Variants in PCDHGB3 observed in about 807,000 individuals in gnomAD.
PCDHGB3 encodes the protein protocadherin gamma subfamily B, 3.
In PCDHGB3, 40 loss-of-function variants were observed where a neutral mutation model predicts 59.2. That is an observed-to-expected ratio of 0.68 (90% CI 0.52 to 0.88). PCDHGB3 has a LOEUF of 0.88. Among genes scored for constraint, PCDHGB3 ranks in the 40% least tolerant of loss-of-function variants. The probability of loss-of-function intolerance (pLI) is 0.00; values close to 1 mark genes in which losing one functional copy is unlikely to be tolerated. For missense variants in PCDHGB3, 1,309 were observed against 1,187.9 expected, an observed-to-expected ratio of 1.10 and a Z score of -1.50; for synonymous variants, 581 against 503.6, an observed-to-expected ratio of 1.15 and a Z score of -2.06.
chr5:141,461,334 G>T (rs558562450), intron 1 of PCDHGB3, among the ~76,000 whole-genome samples: 75 of 152,166 alleles, frequency 4.9e-4, no homozygotes, highest in African/African-American at 1.7e-3. Flanking sequence ...GGCCATTCTT[G>T]CAGGACCAAG....
chr5:141,410,329 G>A, intron 1 of PCDHGB3: 4 of 1,613,982 alleles, frequency 2.5e-6, no homozygotes, highest in Non-Finnish European at 3.4e-6. Flanking sequence ...CCGTGATTCT[G>A]GCCATTGCCT....
intron 1 of PCDHGB3, chr5:141,427,734 C>A (rs2097062807): frequency 1.7e-6 from 2 of 1,207,418 alleles, no homozygotes; most frequent in Non-Finnish European, 2.4e-6. Flanking sequence ...GCTGAATGGC[C>A]AAGTCTCCTA....
At chr5:141,393,349 C>G in intron 1 of PCDHGB3, 1 of 1,613,964 alleles carries the variant, frequency 6.2e-7, no homozygotes, top group Non-Finnish European at 8.5e-7. Context: ...CACCACTTCT[C>G]CCTGGACGTG....
At chr5:141,466,077 A>G (rs1220036084) in intron 1 of PCDHGB3, among the ~76,000 whole-genome samples, 2 of 152,108 alleles carry the variant, frequency 1.3e-5, no homozygotes, top group Non-Finnish European at 2.9e-5. Context: ...AGCTGATATC[A>G]TGCCACTGCA....
At chr5:141,409,870 T>A (rs980871481) in intron 1 of PCDHGB3, 2 of 1,612,670 alleles carry the variant, frequency 1.2e-6, no homozygotes, top group Admixed American at 1.7e-5. Context: ...GAGACCGCAA[T>A]GACAACGCAC....
rs1435565099 is a variant in PCDHGB3 at position 141,372,123 on chromosome 5, A to G, written c.1729A>G (p.Met577Val). Residue 577 changes from methionine (M) to valine (V), a missense_variant, in exon 1 of 4, where the codon ATG (methionine) becomes GTG (valine). Coordinates refer to ENST00000576222, the MANE Select transcript of PCDHGB3 (RefSeq NM_018924.5). ...LGPEGSALFD[M>V]VPRSAEPGYL... is the part of the protein sequence containing the mutation. ...GCCCGAAGGCTCTGCGCTCTTCGATATGGTGCCGCGCTCTGCAGAGCCTGG... is the reference window on the plus strand; with the variant it reads ...GCCCGAAGGCTCTGCGCTCTTCGATGTGGTGCCGCGCTCTGCAGAGCCTGG... 3 of 1,613,632 alleles carry G rather than the reference A, an allele frequency of 1.9e-6. No homozygotes were observed. The highest frequency in any genetic ancestry group is 2.5e-6 in the Non-Finnish European group (3 of 1,179,864).
rs2099425622 is a variant in PCDHGB3, at chr5:141,477,947, T to C, written c.2416-16860T>C. Reference sequence around the variant, plus strand: ...CAATGCCTGGCTCTCCTACAGTCTCTTGGGATCCCCTAACCAGAGCCTTTT... The same window carrying C: ...CAATGCCTGGCTCTCCTACAGTCTCCTGGGATCCCCTAACCAGAGCCTTTT... On this transcript the variant is annotated intron_variant, in intron 1 of 3. Coordinates refer to ENST00000576222, the MANE Select transcript of PCDHGB3 (RefSeq NM_018924.5). The surrounding 1 kb of genome is among the most constrained non-coding windows in gnomAD (Gnocchi z 4.9). 1.9e-6 allele frequency: 3 copies of C among 1,614,132 alleles called. No homozygotes were observed. Among genetic ancestry groups the C allele is most frequent in the Non-Finnish European group, 2.5e-6 (3 of 1,180,018 alleles).
intron 1 of PCDHGB3, among the ~76,000 whole-genome samples, chr5:141,458,102 A>G (rs1314999618): frequency 6.6e-6 from 1 of 152,246 alleles, no homozygotes; most frequent in Admixed American, 6.5e-5. Context: ...GTACTTACAG[A>G]TAGTCTCCAA....
intron 1 of PCDHGB3, chr5:141,390,099 C>G: frequency 6.2e-7 from 1 of 1,614,052 alleles, no homozygotes; most frequent in Non-Finnish European, 8.5e-7. Context: ...CGTGGTTCCC[C>G]CCAACTACAG....
chr5:141,371,887 C>T lies in PCDHGB3; in HGVS notation c.1493C>T (p.Pro498Leu), dbSNP rs372336757. The change falls in exon 1 of 4, where the codon CCG becomes CTG. Residue 498 changes from proline to leucine, a missense_variant. Transcript: ENST00000576222. ...TACATCGTGGCCAGTGACCTGGAGC[C>T]GCGGGAGCTGTCGTCCTACGTGTCC... ...SYYIVASDLEPRELSSYVSVS... is the reference protein window; with the variant it reads ...SYYIVASDLELRELSSYVSVS... 2 of 1,613,424 alleles carry T rather than the reference C, an allele frequency of 1.2e-6. No individual in the cohort carries two copies. The highest frequency in any genetic ancestry group is 1.3e-5 in the African/African-American group (1 of 75,076).
chr5:141,458,695 G>T (rs551105765), intron 1 of PCDHGB3, among the ~76,000 whole-genome samples: 2 of 151,734 alleles, frequency 1.3e-5, no homozygotes, highest in Non-Finnish European at 2.9e-5. Context: ...TCAGCCTCCC[G>T]AGTAGCTGGG....
intron 1 of PCDHGB3, chr5:141,417,739 C>T: frequency 6.4e-6 from 9 of 1,411,706 alleles, no homozygotes; most frequent in Non-Finnish European, 5.6e-6. Flanking sequence ...GCCCAGCACA[C>T]CAGATTGCCA....
intron 1 of PCDHGB3, chr5:141,415,281 C>T (rs1321418691): frequency 6.2e-7 from 1 of 1,614,080 alleles, no homozygotes; most frequent in African/African-American, 1.3e-5. Context: ...TAGCGGTGGC[C>T]GCGGTCTCCT....
intron 1 of PCDHGB3, chr5:141,404,287 C>T: frequency 6.2e-7 from 1 of 1,613,976 alleles, no homozygotes; most frequent in Non-Finnish European, 8.5e-7. Context: ...TGACTGACAT[C>T]AATGATAATC....
At chr5:141,385,662 A>G (rs2090316045) in intron 1 of PCDHGB3, 11 of 492,642 alleles carry the variant, frequency 2.2e-5, no homozygotes, top group Non-Finnish European at 2.8e-5. Context: ...GTTAGCAGGA[A>G]TAAAACACAC....
intron 1 of PCDHGB3, chr5:141,383,873 C>A: frequency 6.2e-7 from 1 of 1,613,928 alleles, no homozygotes; most frequent in Non-Finnish European, 8.5e-7. Flanking sequence ...CAAGATGGTC[C>A]TGGTAGTCTG....
Position 141,491,686 on chromosome 5 carries a change from C to A in PCDHGB3, c.2416-3121C>A. The A allele has an allele frequency of 6.2e-7, 1 of 1,612,970 alleles. No homozygotes were observed. The highest frequency in any genetic ancestry group is 8.5e-7 in the Non-Finnish European group (1 of 1,179,558). Reference sequence around the variant, plus strand: ...CATCCGGTCCCGCTCTAATACGCTGCGGGAGCGGAGCCAGGTGAGGGGCTC... The same window carrying A: ...CATCCGGTCCCGCTCTAATACGCTGAGGGAGCGGAGCCAGGTGAGGGGCTC... On this transcript the variant is annotated intron_variant, in intron 1 of 3. Coordinates refer to ENST00000576222, the MANE Select transcript of PCDHGB3 (RefSeq NM_018924.5). The surrounding 1 kb of genome is among the most constrained non-coding windows in gnomAD (Gnocchi z 6.9).
Position 141,485,549 on chromosome 5 carries a change from G to A in PCDHGB3, c.2416-9258G>A. 6.2e-7 allele frequency: 1 copy of A among 1,614,030 alleles called. No homozygotes were observed. The highest frequency in any genetic ancestry group is 1.1e-5 in the South Asian group (1 of 91,068). On this transcript the variant is annotated intron_variant, in intron 1 of 3. Transcript: ENST00000576222. The surrounding 1 kb of genome is among the most constrained non-coding windows in gnomAD (Gnocchi z 5.7). ...CCGAGCAGAGGTAGAGATCGTAGATGTGAATGATCACGCCCCCCGTTTTCC... is the reference window on the plus strand; with the variant it reads ...CCGAGCAGAGGTAGAGATCGTAGATATGAATGATCACGCCCCCCGTTTTCC...
chr5:141,444,044 T>C (rs188266846), intron 1 of PCDHGB3, among the ~76,000 whole-genome samples: 1 of 152,098 alleles, frequency 6.6e-6, no homozygotes, highest in East Asian at 1.9e-4. Flanking sequence ...ATCAGATAAT[T>C]TGGCATCTTC....
Sources: allele counts gnomAD v4.1 joint callset (sites outside exome capture counted in the v4.1 genomes callset), GRCh38; gene constraint gnomAD v4.1.1; non-coding constraint Gnocchi (gnomAD v3.1); transcripts MANE v1.5; gene names NCBI Gene and HGNC (gene_info 2026-07-23, HGNC 2026-07-21).